The following RGS6 variants were observed in gnomAD, a reference collection of about 807,000 sequenced individuals.
RGS6 encodes the protein regulator of G protein signaling 6.
A neutral mutation model predicts 78.5 loss-of-function variants in RGS6; 30 were observed. The observed-to-expected ratio is 0.38, with a 90% CI of 0.29 to 0.52. RGS6 has a LOEUF of 0.52. RGS6 is among the 20% of genes least tolerant of loss of function. RGS6 has a pLI of 0.85. For synonymous variants in RGS6, 206 were observed against 206.0 expected (o/e 1.00, Z 0.00); for missense variants, 495 against 609.7 (o/e 0.81, Z 1.98).
the RGS6 span, among the ~76,000 whole-genome samples, chr14:72,603,130 G>A: frequency 2.0e-5 from 3 of 152,086 alleles, no homozygotes; most frequent in Admixed American, 6.6e-5. Flanking sequence ...TAAGAAGAAA[G>A]TTGGCCATTT....
intron 3 of RGS6, among the ~76,000 whole-genome samples, chr14:72,381,326 ATGTT>A (rs1214694570): frequency 3.3e-5 from 5 of 152,114 alleles, no homozygotes; most frequent in African/African-American, 7.2e-5. Context: ...AAAAAGATAA[ATGTT>A]TGAGATGATA....
intron 2 of RGS6, among the ~76,000 whole-genome samples, chr14:72,242,812 C>T (rs548547796): frequency 1.4e-5 from 2 of 142,756 alleles, no homozygotes; most frequent in Admixed American, 7.0e-5. Flanking sequence ...TCTCTTGATA[C>T]AGTATTTTTC....
At chr14:71,893,085 A>G in the RGS6 span, among the ~76,000 whole-genome samples, 3 of 152,380 alleles carry the variant, frequency 2.0e-5, no homozygotes, top group East Asian at 1.9e-4. Context: ...TCTGTACTTT[A>G]GAGGCAGTTA....
intron 2 of RGS6, among the ~76,000 whole-genome samples, chr14:72,313,277 A>G (rs1259643818): frequency 6.6e-6 from 1 of 152,182 alleles, no homozygotes; most frequent in Non-Finnish European, 1.5e-5. Context: ...CAAGCATATT[A>G]AGCACTTCAA....
intron 2 of RGS6, among the ~76,000 whole-genome samples, chr14:72,272,103 A>G (rs2060037409): frequency 6.6e-6 from 1 of 152,054 alleles, no homozygotes; most frequent in African/African-American, 2.4e-5. Context: ...GGGGATTAGG[A>G]TGTGGATGTA....
downstream of RGS6, among the ~76,000 whole-genome samples, chr14:72,569,384 G>T (rs1362825478): frequency 6.6e-6 from 1 of 151,910 alleles, no homozygotes; most frequent in Non-Finnish European, 1.5e-5. Flanking sequence ...GCCTTTTTTA[G>T]AAAGCCACAT....
intron 2 of RGS6, among the ~76,000 whole-genome samples, chr14:72,067,634 G>A (rs1186131549): frequency 6.6e-6 from 1 of 152,024 alleles, no homozygotes; most frequent in African/African-American, 2.4e-5. Flanking sequence ...ATCAGTTCAG[G>A]TAAGGTTTTG....
At chr14:72,410,750 G>A (rs1234509466) in intron 3 of RGS6, among the ~76,000 whole-genome samples, 2 of 152,180 alleles carry the variant, frequency 1.3e-5, no homozygotes, top group South Asian at 2.1e-4. Context: ...TTTGTATAAG[G>A]TGTAAAGGAG....
chr14:72,255,424 A>C (rs1454542734), intron 2 of RGS6, among the ~76,000 whole-genome samples: 1 of 152,200 alleles, frequency 6.6e-6, no homozygotes, highest in Non-Finnish European at 1.5e-5. Flanking sequence ...CAACTAGGAC[A>C]GATACCAACA....
At chr14:72,567,032 CAA>C (rs1397250034), downstream of RGS6, among the ~76,000 whole-genome samples, 1 of 152,202 alleles carries the variant, frequency 6.6e-6, no homozygotes, top group African/African-American at 2.4e-5. Flanking sequence ...GTCAGGCTGA[CAA>C]GAGGAGGATG....
At position 72,001,868 on chromosome 14, in the gene RGS6, C is replaced by T. The variant is rs80118220; in HGVS notation, c.84+36993C>T. Among the ~76,000 whole-genome samples, 691 of 117,942 alleles carry T rather than the reference C, an allele frequency of 5.9e-3. 10 individuals carry two copies. Among genetic ancestry groups the T allele is most frequent in the African/African-American group, 0.02 (641 of 32,660 alleles). 77.4% of individuals were successfully genotyped at this position (117,942 alleles called of 152,430 possible). A position where few individuals can be genotyped will look rare whatever the true frequency, so the allele number is the denominator to read the frequency against. The stretch of plus-strand genomic sequence containing the variant: ...TTTCACATTTGTGCAGAACTTTAGT[C>T]TTTGAAGTGTTTAGACATCCATTAA... On this transcript the variant is annotated intron_variant, in intron 2 of 17. Coordinates refer to ENST00000553525, the MANE Select transcript of RGS6 (RefSeq NM_001204424.2).
In RGS6 at chr14:72,428,715, A is replaced by G. The variant is rs189683048; in HGVS notation, c.185-25813A>G. 3.3e-5 allele frequency among the ~76,000 whole-genome samples: 5 copies of G among 152,334 alleles called. No individual in the cohort carries two copies. The South Asian group carries it at 1.0e-3, about 32-fold the overall frequency. On this transcript the variant is annotated intron_variant, in intron 3 of 17. Transcript: ENST00000553525. Reference sequence around the variant, plus strand: ...AGATAGGAAGCAGGTCTTATCTCTGATTTGAGAATAGAAGGCCCGGTGGGT... The same window carrying G: ...AGATAGGAAGCAGGTCTTATCTCTGGTTTGAGAATAGAAGGCCCGGTGGGT...
At chr14:71,964,709 A>G in intron 1 of RGS6, 63 bp from the exon 2 acceptor site, 4 of 1,140,364 alleles carry the variant, frequency 3.5e-6, no homozygotes, top group Non-Finnish European at 5.0e-6. Context: ...AATTCTTTGC[A>G]TTTCAAAGCC....
Position 71,964,833 on chromosome 14 carries a change from T to G in RGS6, c.42T>G (p.Ala14=). The change falls in exon 2 of 18, where the codon GCT becomes GCG. Residue 14 remains alanine, a synonymous_variant. Transcript: ENST00000553525. ...GSGDQRAVGV[A]DPEESSPNMI... The stretch of plus-strand genomic sequence containing the variant: ...GGGATCAAAGAGCAGTGGGGGTTGC[T>G]GACCCAGAGGAGAGTTCTCCAAACA... The G allele has an allele frequency of 6.2e-7, 1 of 1,613,922 alleles. No homozygotes were observed. The highest frequency in any genetic ancestry group is 8.5e-7 in the Non-Finnish European group (1 of 1,179,958).
At chr14:72,209,639 A>G (rs1019327820) in intron 2 of RGS6, among the ~76,000 whole-genome samples, 5 of 152,162 alleles carry the variant, frequency 3.3e-5, no homozygotes, top group Admixed American at 6.5e-5. Context: ...ACATGGTAAC[A>G]TTCAGATTTG....
At chr14:72,224,304 G>T (rs1315566382) in intron 2 of RGS6, among the ~76,000 whole-genome samples, 1 of 152,094 alleles carries the variant, frequency 6.6e-6, no homozygotes, top group Non-Finnish European at 1.5e-5. Flanking sequence ...CCCAGTCTCA[G>T]CTACTCAAGA....
At chr14:72,429,558 A>G (rs1294626711) in intron 3 of RGS6, among the ~76,000 whole-genome samples, 2 of 152,154 alleles carry the variant, frequency 1.3e-5, no homozygotes, top group African/African-American at 4.8e-5. Context: ...CATAGGGGGA[A>G]TGGGAATTTG....
At chr14:72,501,760 G>A (rs1467993971) in intron 13 of RGS6, among the ~76,000 whole-genome samples, 3 of 152,286 alleles carry the variant, frequency 2.0e-5, no homozygotes, top group Admixed American at 6.5e-5. Flanking sequence ...TGCTCTCTCC[G>A]CATGACTTCA....
intron 2 of RGS6, among the ~76,000 whole-genome samples, chr14:72,156,601 G>A (rs2096775609): frequency 6.6e-6 from 1 of 152,196 alleles, no homozygotes; most frequent in African/African-American, 2.4e-5. Context: ...AGGTTGATGA[G>A]TGTCCAGGGA....
Sources: gnomAD v4.1 joint callset for allele counts (sites outside exome capture counted in the v4.1 genomes callset) on GRCh38, gnomAD v4.1.1 for gene constraint, MANE v1.5 for transcripts, NCBI Gene and HGNC (gene_info 2026-07-23, HGNC 2026-07-21) for gene names.